Variants in MFHAS1 observed in about 807,000 individuals in gnomAD.
MFHAS1 encodes malignant fibrous histiocytoma-amplified sequence 1.
A neutral mutation model predicts 70.4 loss-of-function variants in MFHAS1; 50 were observed. The observed-to-expected ratio is 0.71, with a 90% CI of 0.57 to 0.90. The LOEUF (loss-of-function observed/expected upper bound fraction) is 0.90, where lower values mean the gene tolerates loss of function less well. MFHAS1 is among the 40% of genes least tolerant of loss of function. The pLI, the probability that MFHAS1 is intolerant of heterozygous loss-of-function variation, is 0.00. For synonymous variants in MFHAS1, 952 were observed against 620.0 expected, an observed-to-expected ratio of 1.54 and a Z score of -7.96; for missense variants, 1,795 against 1,347.6, an observed-to-expected ratio of 1.33 and a Z score of -5.20.
intron 1 of MFHAS1, among the ~76,000 whole-genome samples, chr8:8,871,007 G>T (rs749388974): frequency 1.3e-4 from 20 of 152,080 alleles, no homozygotes; most frequent in Non-Finnish European, 2.2e-4. Context: ...TGCAACCTCT[G>T]CCTCCGGGGG....
chr8:8,840,363 A>G (rs1807768905), intron 1 of MFHAS1, among the ~76,000 whole-genome samples: 1 of 151,652 alleles, frequency 6.6e-6, no homozygotes, highest in Non-Finnish European at 1.5e-5. Flanking sequence ...AGGCTGAGGC[A>G]TGAGAATCAC....
In MFHAS1 at chr8:8,804,291, C is replaced by T. The variant is rs187233936; in HGVS notation, c.2999-6800G>A. Among the ~76,000 whole-genome samples, 34 of 152,284 alleles carry T rather than the reference C, an allele frequency of 2.2e-4. No individual in the cohort carries two copies. In the East Asian group the frequency reaches 4.1e-3, roughly 18 times the overall value. On this transcript the variant is annotated intron_variant, in intron 1 of 2. Coordinates refer to ENST00000276282, the MANE Select transcript of MFHAS1 (RefSeq NM_004225.3). ...CAACTCTTCAAAATGTAGGAATCCA[C>T]TGAGTTCTGGGCAATTTAACAATGT... is the stretch of plus-strand genomic sequence containing the variant.
At chr8:8,811,988 A>G (rs1806565835) in intron 1 of MFHAS1, among the ~76,000 whole-genome samples, 1 of 152,104 alleles carries the variant, frequency 6.6e-6, no homozygotes, top group African/African-American at 2.4e-5. Flanking sequence ...GGCAAACAAA[A>G]AACCCCAAAA....
chr8:8,889,531 C>T (rs1362283580), intron 1 of MFHAS1, among the ~76,000 whole-genome samples: 1 of 152,224 alleles, frequency 6.6e-6, no homozygotes, highest in Non-Finnish European at 1.5e-5. Flanking sequence ...ATTTTACAAT[C>T]TGATTTCTAT....
At chr8:8,878,918 T>A (rs1359453156) in intron 1 of MFHAS1, among the ~76,000 whole-genome samples, 1 of 152,226 alleles carries the variant, frequency 6.6e-6, no homozygotes, top group Non-Finnish European at 1.5e-5. Context: ...CCAGCAGTCA[T>A]ATATTTTTAT....
At chr8:8,836,817 A>C (rs563844486) in intron 1 of MFHAS1, among the ~76,000 whole-genome samples, 1 of 152,234 alleles carries the variant, frequency 6.6e-6, no homozygotes, top group Non-Finnish European at 1.5e-5. Flanking sequence ...AAAAATTCTG[A>C]TTCCCTTTCC....
chr8:8,831,843 C>T (rs571147439), intron 1 of MFHAS1, among the ~76,000 whole-genome samples: 2 of 152,146 alleles, frequency 1.3e-5, no homozygotes, highest in East Asian at 1.9e-4. Context: ...CTTGACCTCA[C>T]GTGATCCGTC....
At chr8:8,817,937 G>T (rs921102208) in intron 1 of MFHAS1, among the ~76,000 whole-genome samples, 1 of 152,196 alleles carries the variant, frequency 6.6e-6, no homozygotes, top group Non-Finnish European at 1.5e-5. Context: ...CTGCCCTGCA[G>T]CCCAGTTCCT....
rs768244311 is a variant in MFHAS1, at chr8:8,823,850, T to A, written c.2999-26359A>T. On this transcript the variant is annotated intron_variant, in intron 1 of 2. Transcript: ENST00000276282. Reference sequence around the variant, plus strand: ...ATCTCGCCTCTCAGAGATGTGCCTGTCTCCATGCGCTTCAAAGATCTTAGC... The same window carrying A: ...ATCTCGCCTCTCAGAGATGTGCCTGACTCCATGCGCTTCAAAGATCTTAGC... Among the ~76,000 whole-genome samples, 36 of 137,448 alleles carry A rather than the reference T, an allele frequency of 2.6e-4. 1 individual carries two copies. The highest frequency in any genetic ancestry group is 1.3e-3 in the South Asian group (4 of 3,156). The allele number at this position is 137,448 out of a possible 152,430, so 90.2% of individuals were successfully genotyped here.
At chr8:8,860,347 C>T (rs1490384496) in intron 1 of MFHAS1, among the ~76,000 whole-genome samples, 1 of 152,216 alleles carries the variant, frequency 6.6e-6, no homozygotes, top group Non-Finnish European at 1.5e-5. Flanking sequence ...AAAATAACAA[C>T]AACCCCTGCC....
At chr8:8,821,433 G>A (rs1198898308) in intron 1 of MFHAS1, among the ~76,000 whole-genome samples, 2 of 152,232 alleles carry the variant, frequency 1.3e-5, no homozygotes, top group African/African-American at 4.8e-5. Context: ...ATAGCATGAA[G>A]CAGTAACCTC....
intron 1 of MFHAS1, among the ~76,000 whole-genome samples, chr8:8,867,743 G>A (rs368590044): frequency 6.6e-6 from 1 of 152,052 alleles, no homozygotes; most frequent in Non-Finnish European, 1.5e-5. Context: ...ATTTTTACTA[G>A]AGACGGGGTT....
chr8:8,828,551 G>A (rs886179822), intron 1 of MFHAS1, among the ~76,000 whole-genome samples: 2 of 152,172 alleles, frequency 1.3e-5, no homozygotes, highest in Non-Finnish European at 2.9e-5. Context: ...ATTACCTAGA[G>A]CCTGCAATTC....
intron 1 of MFHAS1, among the ~76,000 whole-genome samples, chr8:8,855,412 C>T (rs557911285): frequency 1.2e-4 from 19 of 152,354 alleles, no homozygotes; most frequent in East Asian, 7.7e-4. Context: ...GCTTTCCAAG[C>T]GCTTTCAAGA....
intron 1 of MFHAS1, among the ~76,000 whole-genome samples, chr8:8,829,447 T>C (rs987853600): frequency 6.6e-6 from 1 of 152,172 alleles, no homozygotes; most frequent in Non-Finnish European, 1.5e-5. Flanking sequence ...TTGGGAGGCC[T>C]AGGTGGGTAG....
intron 1 of MFHAS1, among the ~76,000 whole-genome samples, chr8:8,798,972 C>G (rs1015980288): frequency 1.8e-4 from 27 of 151,840 alleles, no homozygotes; most frequent in African/African-American, 5.8e-4. Context: ...CGCTTGAACC[C>G]GGAAGGCAGA....
intron 1 of MFHAS1, among the ~76,000 whole-genome samples, chr8:8,803,776 A>G (rs1806169522): frequency 6.6e-6 from 1 of 152,154 alleles, no homozygotes; most frequent in Admixed American, 6.5e-5. Context: ...ATTAGAGACC[A>G]GCCTGGCCAA....
intron 1 of MFHAS1, among the ~76,000 whole-genome samples, chr8:8,880,418 T>TAGGAGGAAGAGG (rs1809473761): frequency 6.6e-6 from 1 of 152,012 alleles, no homozygotes. Context: ...TTTCACTCAA[T>TAGGAGGAAGAGG]AGGAGGAAGA....
At chr8:8,808,338 T>A (rs113635222) in intron 1 of MFHAS1, among the ~76,000 whole-genome samples, 4 of 151,682 alleles carry the variant, frequency 2.6e-5, no homozygotes, top group Non-Finnish European at 5.9e-5. Context: ...CTGCCCAGTG[T>A]CCCCACGCTG....
Sources: allele counts gnomAD v4.1 joint callset (sites outside exome capture counted in the v4.1 genomes callset), GRCh38; gene constraint gnomAD v4.1.1; transcripts MANE v1.5; gene names NCBI Gene and HGNC (gene_info 2026-07-23, HGNC 2026-07-21).